The following LOC128462377 variants were observed in gnomAD, a reference collection of about 807,000 sequenced individuals.
the LOC128462377 span, among the ~76,000 whole-genome samples, chr16:89,414,216 G>A: frequency 1.3e-5 from 2 of 152,226 alleles, no homozygotes; most frequent in Non-Finnish European, 2.9e-5. Context: ...AAAACATTAA[G>A]TCCAAGCCTC....
At chr16:89,404,881 T>G in the LOC128462377 span, among the ~76,000 whole-genome samples, 4 of 152,366 alleles carry the variant, frequency 2.6e-5, no homozygotes, top group Admixed American at 2.6e-4. Context: ...TATTGACTCT[T>G]GCTTGGTTGA....
At chr16:89,417,584 C>G in the LOC128462377 span, among the ~76,000 whole-genome samples, 17 of 152,164 alleles carry the variant, frequency 1.1e-4, no homozygotes, top group African/African-American at 3.6e-4. Context: ...GAACCAGGCT[C>G]CCACTCCTTA....
At chr16:89,387,020 C>T in the LOC128462377 span, among the ~76,000 whole-genome samples, 3 of 151,944 alleles carry the variant, frequency 2.0e-5, no homozygotes, top group Non-Finnish European at 2.9e-5. Flanking sequence ...GGAGGCCGCC[C>T]GTGGTGACAG....
chr16:89,403,421 C>T, the LOC128462377 span, among the ~76,000 whole-genome samples: 2 of 152,094 alleles, frequency 1.3e-5, no homozygotes, highest in African/African-American at 2.4e-5. Context: ...GAGGGCAGAG[C>T]GGGGAACCCA....
the LOC128462377 span, among the ~76,000 whole-genome samples, chr16:89,332,972 G>A: frequency 7.2e-5 from 11 of 152,234 alleles, no homozygotes; most frequent in African/African-American, 1.9e-4. Flanking sequence ...GCTGCTCCAC[G>A]CTTCTCAGCC....
chr16:89,369,118 T>G, the LOC128462377 span, among the ~76,000 whole-genome samples: 5 of 151,970 alleles, frequency 3.3e-5, no homozygotes, highest in African/African-American at 1.2e-4. Flanking sequence ...GGCCTGACAA[T>G]CTACCCTAGA....
At chr16:89,391,365 C>T in the LOC128462377 span, among the ~76,000 whole-genome samples, 3 of 152,124 alleles carry the variant, frequency 2.0e-5, no homozygotes, top group Non-Finnish European at 4.4e-5. Flanking sequence ...TCTTGCGGGA[C>T]TCAGTCCTCT....
chr16:89,400,868 G>C, the LOC128462377 span, among the ~76,000 whole-genome samples: 10 of 152,214 alleles, frequency 6.6e-5, no homozygotes, highest in African/African-American at 2.2e-4. Flanking sequence ...ACCTGGACCA[G>C]CTGCACACAC....
chr16:89,335,223 A>C, the LOC128462377 span, among the ~76,000 whole-genome samples: 3 of 152,140 alleles, frequency 2.0e-5, no homozygotes, highest in African/African-American at 7.2e-5. Flanking sequence ...CGTTCCATGC[A>C]GGCTGGGAGA....
the LOC128462377 span, among the ~76,000 whole-genome samples, chr16:89,400,914 C>T: frequency 6.6e-6 from 1 of 152,148 alleles, no homozygotes; most frequent in Non-Finnish European, 1.5e-5. Context: ...TCTGCAGACA[C>T]CCTCTCACAG....
At chr16:89,363,108 C>T in the LOC128462377 span, among the ~76,000 whole-genome samples, 1 of 152,116 alleles carries the variant, frequency 6.6e-6, no homozygotes, top group African/African-American at 2.4e-5. Flanking sequence ...CGTTCAAGTG[C>T]TATTTCTTTA....
At chr16:89,409,060 G>C in the LOC128462377 span, among the ~76,000 whole-genome samples, 1 of 152,186 alleles carries the variant, frequency 6.6e-6, no homozygotes, top group Non-Finnish European at 1.5e-5. Flanking sequence ...AAAGCCACCT[G>C]CACAAAAGGC....
At chr16:89,415,061 C>T in the LOC128462377 span, among the ~76,000 whole-genome samples, 5 of 151,900 alleles carry the variant, frequency 3.3e-5, no homozygotes, top group African/African-American at 7.3e-5. Context: ...CCTTCCTCCC[C>T]GCTCAGCCTC....
At chr16:89,412,957 G>A in the LOC128462377 span, among the ~76,000 whole-genome samples, 1 of 152,106 alleles carries the variant, frequency 6.6e-6, no homozygotes, top group African/African-American at 2.4e-5. Context: ...CCAGCTAAAA[G>A]CACACATGAG....
At chr16:89,372,019 AT>A in the LOC128462377 span, among the ~76,000 whole-genome samples, 11 of 152,206 alleles carry the variant, frequency 7.2e-5, no homozygotes, top group Admixed American at 2.6e-4. Flanking sequence ...GGCCAAGAAC[AT>A]GGTGAAGCCA....
chr16:89,396,006 T>C, the LOC128462377 span: 1 of 152,220 alleles, frequency 6.6e-6, no homozygotes, highest in African/African-American at 2.4e-5. Context: ...AGTCAAAGAA[T>C]GACCGACCGA....
At chr16:89,366,598 C>A in the LOC128462377 span, among the ~76,000 whole-genome samples, 1 of 152,230 alleles carries the variant, frequency 6.6e-6, no homozygotes, top group African/African-American at 2.4e-5. Context: ...CTGAAATCAG[C>A]AGACTCTTGT....
At chr16:89,355,086 A>T in the LOC128462377 span, among the ~76,000 whole-genome samples, 2 of 152,212 alleles carry the variant, frequency 1.3e-5, no homozygotes, top group Admixed American at 1.3e-4. Context: ...GAAAAAGTCT[A>T]AATGTTGCTG....
the LOC128462377 span, among the ~76,000 whole-genome samples, chr16:89,384,559 ATGGGACAGGATGGGAC>A: frequency 8.1e-6 from 1 of 123,600 alleles, no homozygotes; most frequent in Admixed American, 8.2e-5. Context: ...TGGGATGGGA[ATGGGACAGGATGGGAC>A]GGGACGGGAT....
Sources: allele counts gnomAD v4.1 joint callset (sites outside exome capture counted in the v4.1 genomes callset), GRCh38; gene constraint gnomAD v4.1.1; transcripts MANE v1.5.